The following PEPD variants were observed in gnomAD, a reference collection of about 807,000 sequenced individuals.
PEPD encodes the protein xaa-Pro dipeptidase.
In PEPD, 53 loss-of-function variants were observed where a neutral mutation model predicts 60.7. That is an observed-to-expected ratio of 0.87 (90% CI 0.70 to 1.10). PEPD has a LOEUF of 1.10. PEPD is among the 50% of genes least tolerant of loss of function. The pLI, the probability that PEPD is intolerant of heterozygous loss-of-function variation, is 0.00. For missense variants in PEPD, 711 were observed against 711.9 expected, an observed-to-expected ratio of 1.00 and a Z score of 0.01; for synonymous variants, 267 against 284.1, an observed-to-expected ratio of 0.94 and a Z score of 0.60.
At chr19:33,410,749 G>A (rs1049063848) in intron 11 of PEPD, among the ~76,000 whole-genome samples, 1 of 152,170 alleles carries the variant, frequency 6.6e-6, no homozygotes, top group African/African-American at 2.4e-5. Context: ...GAACTGGGAG[G>A]GACAAGGCAC....
chr19:33,521,446 G>C (rs981872323), intron 1 of PEPD, among the ~76,000 whole-genome samples: 1 of 152,226 alleles, frequency 6.6e-6, no homozygotes, highest in Non-Finnish European at 1.5e-5. Flanking sequence ...GGGGGTCTTG[G>C]CAGCGAACAT....
intron 6 of PEPD, among the ~76,000 whole-genome samples, chr19:33,481,365 G>A (rs1226335574): frequency 1.3e-5 from 2 of 151,594 alleles, no homozygotes; most frequent in East Asian, 4.0e-4. Context: ...TCAGGAGTTC[G>A]AGACCAGCCT....
chr19:33,459,847 G>A (rs1414734501), intron 9 of PEPD, among the ~76,000 whole-genome samples: 1 of 152,168 alleles, frequency 6.6e-6, no homozygotes, highest in Non-Finnish European at 1.5e-5. Context: ...CTGAACTGCA[G>A]AGCTCCCTGC....
chr19:33,479,236 TA>T (rs939520191), intron 6 of PEPD, among the ~76,000 whole-genome samples: 22 of 146,336 alleles, frequency 1.5e-4, no homozygotes, highest in Non-Finnish European at 2.3e-4. Flanking sequence ...AATGTGACAA[TA>T]AAAAAAAAAT....
intron 9 of PEPD, among the ~76,000 whole-genome samples, chr19:33,446,956 G>A (rs1291346408): frequency 2.0e-5 from 3 of 152,196 alleles, no homozygotes; most frequent in East Asian, 1.9e-4. Context: ...GCCAGGCTCC[G>A]ACTCAACCAG....
rs867077739 is a variant in PEPD at position 33,455,678 on chromosome 19, A to G, written c.671+7317T>C. On this transcript the variant is annotated intron_variant, in intron 9 of 14. Coordinates refer to ENST00000244137, the MANE Select transcript of PEPD (RefSeq NM_000285.4). ...TCACCACACTCAGCTAATTAAAAAC[A>G]TTTTTTTTTTTTTTTTGTAGAGGCA... Among the ~76,000 whole-genome samples the G allele has an allele frequency of 2.2e-5, 3 of 134,620 alleles. No individual in the cohort carries two copies. The East Asian group carries it at 6.5e-4, about 29-fold the overall frequency. 88.3% of individuals were successfully genotyped at this position (134,620 alleles called of 152,430 possible).
At chr19:33,469,876 C>T (rs1413000316) in intron 7 of PEPD, among the ~76,000 whole-genome samples, 1 of 151,732 alleles carries the variant, frequency 6.6e-6, no homozygotes, top group Non-Finnish European at 1.5e-5. Context: ...TCTCTCTTCA[C>T]CCCCATCATG....
intron 9 of PEPD, among the ~76,000 whole-genome samples, chr19:33,457,157 C>A (rs1301401704): frequency 6.6e-6 from 1 of 151,536 alleles, no homozygotes; most frequent in African/African-American, 2.4e-5. Flanking sequence ...CCAGGCCGGG[C>A]ATAGTGGCTT....
At chr19:33,442,990 G>C (rs535326829) in intron 9 of PEPD, among the ~76,000 whole-genome samples, 2 of 152,318 alleles carry the variant, frequency 1.3e-5, no homozygotes, top group Non-Finnish European at 2.9e-5. Context: ...CTGGCACACA[G>C]TAGGTGCATC....
chr19:33,521,682 G>T, intron 1 of PEPD, 62 bp downstream of exon 1: 2 of 1,527,260 alleles, frequency 1.3e-6, no homozygotes, highest in Non-Finnish European at 8.9e-7. Context: ...CCGCGGTCCG[G>T]CCGGGACACC....
intron 6 of PEPD, among the ~76,000 whole-genome samples, chr19:33,484,974 G>A (rs1970370808): frequency 6.6e-6 from 1 of 152,160 alleles, no homozygotes; most frequent in African/African-American, 2.4e-5. Flanking sequence ...GGCCTGTGAG[G>A]GTAGGCGTGC....
chr19:33,394,114 C>T (rs1029392643), intron 12 of PEPD, among the ~76,000 whole-genome samples: 4 of 152,214 alleles, frequency 2.6e-5, no homozygotes, highest in Non-Finnish European at 2.9e-5. Flanking sequence ...AAAGTGAGTG[C>T]CCCTCAGGTC....
At chr19:33,468,696 A>T (rs1970065360) in intron 7 of PEPD, among the ~76,000 whole-genome samples, 1 of 152,214 alleles carries the variant, frequency 6.6e-6, no homozygotes. Flanking sequence ...GGCACCCTGC[A>T]GCGCAGCGAC....
intron 9 of PEPD, among the ~76,000 whole-genome samples, chr19:33,434,583 T>A (rs920472985): frequency 1.3e-4 from 20 of 149,954 alleles, no homozygotes; most frequent in African/African-American, 4.4e-4. Context: ...ATGTCAGGAT[T>A]CCCCGCAGGA....
chr19:33,503,656 C>T (rs1398090455), intron 3 of PEPD, among the ~76,000 whole-genome samples: 1 of 152,130 alleles, frequency 6.6e-6, no homozygotes, highest in African/African-American at 2.4e-5. Flanking sequence ...AAAGGCAGGG[C>T]CATCAGCGAA....
intron 6 of PEPD, among the ~76,000 whole-genome samples, chr19:33,488,935 C>G (rs75768663): frequency 1.3e-5 from 2 of 152,122 alleles, no homozygotes; most frequent in Non-Finnish European, 2.9e-5. Context: ...GGGCTGGGAG[C>G]TGCCCACTGT....
At position 33,478,047 on chromosome 19, in the gene PEPD, A is replaced by C; in HGVS notation, c.547T>G (p.Cys183Gly). ...NTILHPEIVECRVFKTDMELE... is the reference protein window; with the variant it reads ...NTILHPEIVEGRVFKTDMELE... ...AAGGTGACCACAGGCCGTACTCACC[A>C]CTCAACGATCTCTGGGTGAAGAATG... The change falls in exon 7 of 15, where the codon TGC (cysteine) becomes GGC (glycine). Residue 183 changes from cysteine (C) to glycine (G), a missense_variant and splice_region_variant. Transcript: ENST00000244137. 1 of 1,608,752 alleles carries C rather than the reference A, an allele frequency of 6.2e-7. No homozygotes were observed. Among genetic ancestry groups the C allele is most frequent in the Non-Finnish European group, 8.5e-7 (1 of 1,175,976 alleles).
chr19:33,484,690 A>G (rs1308977382), intron 6 of PEPD, among the ~76,000 whole-genome samples: 1 of 152,156 alleles, frequency 6.6e-6, no homozygotes, highest in Non-Finnish European at 1.5e-5. Context: ...TAAGACACAC[A>G]AAAAGATCCA....
At chr19:33,474,598 C>G (rs1273729055) in intron 7 of PEPD, among the ~76,000 whole-genome samples, 1 of 152,122 alleles carries the variant, frequency 6.6e-6, no homozygotes, top group African/African-American at 2.4e-5. Context: ...GCACAAGAAT[C>G]ACGTGAACCC....
Sources: allele counts gnomAD v4.1 joint callset (sites outside exome capture counted in the v4.1 genomes callset), GRCh38; gene constraint gnomAD v4.1.1; transcripts MANE v1.5; gene names NCBI Gene and HGNC (gene_info 2026-07-23, HGNC 2026-07-21).